Variants in RELN observed in about 807,000 individuals in gnomAD.
The protein encoded by RELN is reelin.
Under a neutral mutation model 427.6 loss-of-function variants are expected in RELN, and 108 were observed. The ratio of observed to expected loss-of-function variants is 0.25; its 90% confidence interval spans 0.22 to 0.30. RELN has a LOEUF of 0.30. RELN is among the 10% of genes least tolerant of loss of function. RELN has a pLI of 1.00. For missense variants in RELN, 3,715 were observed against 4,302.8 expected, an observed-to-expected ratio of 0.86 and a Z score of 3.82; for synonymous variants, 1,524 against 1,513.4, an observed-to-expected ratio of 1.01 and a Z score of -0.16.
intron 2 of RELN, among the ~76,000 whole-genome samples, chr7:103,912,480 A>C (rs1260972475): frequency 6.6e-6 from 1 of 152,258 alleles, no homozygotes; most frequent in Admixed American, 6.5e-5. Flanking sequence ...CACTGTGCCC[A>C]GCCTTTTAAG....
intron 2 of RELN, among the ~76,000 whole-genome samples, chr7:103,867,848 A>G (rs1160693077): frequency 1.3e-5 from 2 of 152,028 alleles, no homozygotes; most frequent in Non-Finnish European, 2.9e-5. Flanking sequence ...TGATAAAACA[A>G]TGTGTACCAA....
intron 8 of RELN, among the ~76,000 whole-genome samples, chr7:103,705,019 T>G (rs895424706): frequency 1.3e-5 from 2 of 152,214 alleles, no homozygotes; most frequent in African/African-American, 4.8e-5. Context: ...TCCACCACCC[T>G]CTTGATTTTT....
chr7:103,579,678 T>C (rs1050061648), intron 28 of RELN, among the ~76,000 whole-genome samples: 3 of 151,918 alleles, frequency 2.0e-5, no homozygotes, highest in Non-Finnish European at 4.4e-5. Flanking sequence ...TTGTTTTGCG[T>C]GTCCCAGATA....
chr7:103,857,694 T>C (rs1025356934), intron 2 of RELN, among the ~76,000 whole-genome samples: 1 of 152,154 alleles, frequency 6.6e-6, no homozygotes, highest in Non-Finnish European at 1.5e-5. Flanking sequence ...GCTGAGCAGA[T>C]GATTTACAGC....
At position 103,511,457 on chromosome 7, in the gene RELN, G is replaced by C. The variant is rs114679363; in HGVS notation, c.8120-452C>G. Among the ~76,000 whole-genome samples, 233 of 151,810 alleles carry C rather than the reference G, an allele frequency of 1.5e-3. 1 individual carries two copies. The highest frequency in any genetic ancestry group is 2.1e-3 in the Non-Finnish European group (145 of 67,966). On this transcript the variant is annotated intron_variant, in intron 50 of 64. Transcript: ENST00000428762. ...ATTTTATTTTATTTTTTTTAATACCGGATAGGGAATAGAGTTAACTACTAC... is the reference window on the plus strand; with the variant it reads ...ATTTTATTTTATTTTTTTTAATACCCGATAGGGAATAGAGTTAACTACTAC...
In RELN at chr7:103,689,638, C is replaced by A. The variant is rs546346035; in HGVS notation, c.1144-7377G>T. On this transcript the variant is annotated intron_variant, in intron 10 of 64. Transcript: ENST00000428762. ...GCCAGACCAATATTCACTTCCATGG[C>A]ATATTGATCCATTCAGAAACACTGC... Among the ~76,000 whole-genome samples, 9 of 152,152 alleles carry A rather than the reference C, an allele frequency of 5.9e-5. No homozygotes were observed. In the East Asian group the frequency reaches 1.7e-3, roughly 29 times the overall value.
intron 55 of RELN, among the ~76,000 whole-genome samples, chr7:103,497,506 G>C (rs1828876908): frequency 6.6e-6 from 1 of 152,044 alleles, no homozygotes. Context: ...TTTTAAAAAT[G>C]ATCTTTTACT....
chr7:103,693,877 A>G (rs1833923375), intron 10 of RELN, among the ~76,000 whole-genome samples: 4 of 152,128 alleles, frequency 2.6e-5, no homozygotes. Context: ...TCTCCTCTGT[A>G]GATTACTGAA....
intron 11 of RELN, among the ~76,000 whole-genome samples, chr7:103,677,054 C>T (rs190106415): frequency 2.3e-4 from 35 of 151,412 alleles, no homozygotes; most frequent in Admixed American, 2.0e-3. Flanking sequence ...AAATGTGCCA[C>T]ATATACACCA....
intron 4 of RELN, among the ~76,000 whole-genome samples, chr7:103,760,302 T>C (rs2116125763): frequency 6.6e-6 from 1 of 152,144 alleles, no homozygotes; most frequent in South Asian, 2.1e-4. Context: ...CATATGCTCT[T>C]TCAAAAGTTG....
chr7:103,740,458 T>C (rs375310111), intron 6 of RELN, among the ~76,000 whole-genome samples: 2 of 152,362 alleles, frequency 1.3e-5, no homozygotes, highest in South Asian at 2.1e-4. Context: ...AATTTTTAAA[T>C]TTTTAAATAA....
At chr7:103,889,232 C>T (rs1257755218) in intron 2 of RELN, among the ~76,000 whole-genome samples, 2 of 152,144 alleles carry the variant, frequency 1.3e-5, no homozygotes, top group Non-Finnish European at 2.9e-5. Context: ...GTAAGTAAAA[C>T]ACTCTTGCTT....
chr7:103,767,164 T>A (rs910101490), intron 4 of RELN, among the ~76,000 whole-genome samples: 2 of 152,230 alleles, frequency 1.3e-5, no homozygotes, highest in African/African-American at 4.8e-5. Flanking sequence ...CTGGCAGCCA[T>A]GCTGATGCAC....
intron 2 of RELN, among the ~76,000 whole-genome samples, chr7:103,842,307 G>A (rs1793570932): frequency 6.7e-6 from 1 of 150,256 alleles, no homozygotes; most frequent in African/African-American, 2.4e-5. Context: ...TGGAAAGTTA[G>A]TGTTATATTG....
At chr7:103,690,229 T>C (rs772511618) in intron 10 of RELN, among the ~76,000 whole-genome samples, 4 of 152,150 alleles carry the variant, frequency 2.6e-5, no homozygotes, top group Non-Finnish European at 5.9e-5. Flanking sequence ...ATGAGAATTC[T>C]GCCCAAGGTG....
At chr7:103,978,356 A>T (rs1226647903) in intron 1 of RELN, among the ~76,000 whole-genome samples, 1 of 152,198 alleles carries the variant, frequency 6.6e-6, no homozygotes, top group East Asian at 1.9e-4. Context: ...TTCGCTTAAT[A>T]TAATGCCTTC....
intron 1 of RELN, among the ~76,000 whole-genome samples, chr7:103,964,622 CTT>C (rs891392907): frequency 6.6e-6 from 1 of 152,174 alleles, no homozygotes; most frequent in African/African-American, 2.4e-5. Flanking sequence ...GCATGACAAA[CTT>C]TTATTTGCTT....
chr7:103,891,094 C>T (rs1794839874), intron 2 of RELN, among the ~76,000 whole-genome samples: 1 of 151,810 alleles, frequency 6.6e-6, no homozygotes, highest in Non-Finnish European at 1.5e-5. Flanking sequence ...AAAAACAAAA[C>T]AAAACAAAAA....
intron 6 of RELN, among the ~76,000 whole-genome samples, chr7:103,745,177 T>A (rs1159746016): frequency 6.6e-6 from 1 of 152,062 alleles, no homozygotes; most frequent in South Asian, 2.1e-4. Flanking sequence ...CATGATTATC[T>A]CAATAGATGC....
Sources: gnomAD v4.1 joint callset for allele counts (sites outside exome capture counted in the v4.1 genomes callset) on GRCh38, gnomAD v4.1.1 for gene constraint, MANE v1.5 for transcripts, NCBI Gene and HGNC (gene_info 2026-07-23, HGNC 2026-07-21) for gene names.